The following ASPSCR1 variants were observed in gnomAD, a reference collection of about 807,000 sequenced individuals.
ASPSCR1 encodes ASPSCR1 tether for SLC2A4, UBX domain containing.
A neutral mutation model predicts 68.9 loss-of-function variants in ASPSCR1; 55 were observed. The ratio of observed to expected loss-of-function variants is 0.80; its 90% CI spans 0.64 to 1.00. The LOEUF (loss-of-function observed/expected upper bound fraction) is 1.00. Among genes scored for constraint, ASPSCR1 ranks in the 50% least tolerant of loss-of-function variants. ASPSCR1 has a pLI of 0.00. For missense variants in ASPSCR1, 765 were observed against 762.2 expected, an observed-to-expected ratio of 1.00 and a Z score of -0.04; for synonymous variants, 352 against 332.6, an observed-to-expected ratio of 1.06 and a Z score of -0.63.
chr17:81,978,583 C>G (rs2041690647), intron 1 of ASPSCR1: 1 of 152,394 alleles, frequency 6.6e-6, no homozygotes, highest in African/African-American at 2.4e-5. Context: ...CCGTGAGGAT[C>G]CGAAGGTGCA....
chr17:81,996,738 C>G lies in ASPSCR1; in HGVS notation c.825C>G (p.Ser275Arg). ...CTAAGTTGCCGAAGTCCCTCTCCAG[C>G]CCTGGAGGCCCCTCCAAGCCAAAGA... is the stretch of plus-strand genomic sequence containing the variant. ...SSAKLPKSLS[S>R]PGGPSKPKKS... Residue 275 changes from serine (S) to arginine (R), a missense_variant, in exon 7 of 16, where the codon AGC (serine) becomes AGG (arginine). Ser to Arg is a moderately radical substitution (Grantham distance 110). Coordinates refer to ENST00000306739, the MANE Select transcript of ASPSCR1 (RefSeq NM_024083.4). 1 of 1,613,460 alleles carries G rather than the reference C, an allele frequency of 6.2e-7. No individual in the cohort carries two copies.
At chr17:82,015,952 T>G (rs2043111624) in intron 12 of ASPSCR1, 1 of 165,298 alleles carries the variant, frequency 6.0e-6, no homozygotes, top group Non-Finnish European at 1.3e-5. Context: ...GGCTGAGGTT[T>G]CGGCGTTCCT....
At chr17:82,013,401 C>T (rs1354228740) in intron 12 of ASPSCR1, 1 of 152,242 alleles carries the variant, frequency 6.6e-6, no homozygotes, top group Non-Finnish European at 1.5e-5. Context: ...CGCTTGGCTT[C>T]CCTACCAGCC....
intron 7 of ASPSCR1, 75 bp from the exon 8 acceptor site, chr17:82,008,962 C>A: frequency 7.0e-7 from 1 of 1,423,588 alleles, no homozygotes; most frequent in South Asian, 1.5e-5. Flanking sequence ...ACCACCTCGG[C>A]TGGGGCACTG....
chr17:81,997,104 C>CGG (rs2042372358), intron 7 of ASPSCR1, among the ~76,000 whole-genome samples: 1 of 40,292 alleles, frequency 2.5e-5, no homozygotes, highest in Admixed American at 2.2e-4. Context: ...GAGGCCGTGT[C>CGG]CGCTCCGGGA....
intron 7 of ASPSCR1, among the ~76,000 whole-genome samples, chr17:82,002,218 A>T (rs2042561558): frequency 6.8e-6 from 1 of 146,528 alleles, no homozygotes; most frequent in African/African-American, 2.5e-5. Flanking sequence ...TCTTATGAGT[A>T]CCTCATGCTT....
intron 4 of ASPSCR1, 63 bp downstream of exon 4, chr17:81,985,670 C>G (rs539631246): frequency 6.5e-7 from 1 of 1,529,622 alleles, no homozygotes; most frequent in African/African-American, 1.4e-5. Flanking sequence ...GCTGTGGTTA[C>G]TGGGTCTGGT....
intron 5 of ASPSCR1, chr17:81,995,314 G>A: frequency 3.0e-6 from 1 of 336,082 alleles, no homozygotes; most frequent in East Asian, 4.9e-5. Context: ...GAGGGGCCCT[G>A]GGGGGCCAGG....
At chr17:82,002,584 A>G (rs1332049552) in intron 7 of ASPSCR1, among the ~76,000 whole-genome samples, 1 of 148,790 alleles carries the variant, frequency 6.7e-6, no homozygotes, top group East Asian at 2.0e-4. Context: ...ATTTTTTGAG[A>G]CAGAGTCTCA....
chr17:81,979,738 G>A (rs1281063174), intron 2 of ASPSCR1, among the ~76,000 whole-genome samples: 1 of 152,150 alleles, frequency 6.6e-6, no homozygotes, highest in African/African-American at 2.4e-5. Flanking sequence ...GCTCTGAGGG[G>A]AAAGAGCTGG....
At chr17:82,002,814 T>C (rs1453859900) in intron 7 of ASPSCR1, among the ~76,000 whole-genome samples, 1 of 152,140 alleles carries the variant, frequency 6.6e-6, no homozygotes, top group Non-Finnish European at 1.5e-5. Flanking sequence ...TGCTTTGGCC[T>C]CCCAAATTGT....
chr17:81,995,874 G>A, intron 5 of ASPSCR1, 118 bp from the exon 6 acceptor site: 1 of 945,656 alleles, frequency 1.1e-6, no homozygotes, highest in South Asian at 1.4e-5. Context: ...GGGTGGGTAG[G>A]ATGGAGGCCA....
chr17:81,988,887 G>T (rs1248935346), intron 4 of ASPSCR1, among the ~76,000 whole-genome samples: 1 of 152,164 alleles, frequency 6.6e-6, no homozygotes, highest in East Asian at 1.9e-4. Flanking sequence ...AATTCCAGAG[G>T]TGGAATTTAA....
At chr17:81,982,089 C>T (rs1033599466) in intron 2 of ASPSCR1, among the ~76,000 whole-genome samples, 22 of 152,262 alleles carry the variant, frequency 1.4e-4, no homozygotes, top group Admixed American at 1.2e-3. Context: ...CCACTTCAGC[C>T]TCCCGAGTAG....
chr17:82,009,610 G>T (rs12946118), intron 9 of ASPSCR1, 43 bp downstream of exon 9: 2 of 435,192 alleles, frequency 4.6e-6, no homozygotes, highest in Non-Finnish European at 3.0e-6. Flanking sequence ...ACAGCTCTGA[G>T]GGGGCCCCCC....
chr17:82,016,492 C>G lies in ASPSCR1; in HGVS notation c.1370C>G (p.Ala457Gly), dbSNP rs927261752. 9.7e-6 allele frequency: 15 copies of G among 1,548,792 alleles called. No homozygotes were observed. Among genetic ancestry groups the G allele is most frequent in the Admixed American group, 2.0e-5 (1 of 51,108 alleles). ...TCCCTGCAGGCGAACCTCTTCCCGG[C>G]CGCTCTGGTGCACTTGGGAGCCGAG... ...QTLFQANLFP[A>G]ALVHLGAEEP... is the part of the protein sequence containing the mutation. The change falls in exon 13 of 16, where the codon GCC becomes GGC. Residue 457 changes from alanine (A) to glycine (G), a missense_variant. Transcript: ENST00000306739.
intron 4 of ASPSCR1, among the ~76,000 whole-genome samples, chr17:81,992,318 C>T (rs957197044): frequency 3.3e-5 from 5 of 152,150 alleles, no homozygotes; most frequent in Admixed American, 6.5e-5. Context: ...ACTGGGCCGG[C>T]GTAGAAGGTC....
chr17:81,984,801 A>C (rs1337283588), intron 3 of ASPSCR1, among the ~76,000 whole-genome samples: 13 of 135,000 alleles, frequency 9.6e-5, no homozygotes, highest in Admixed American at 5.2e-4. Flanking sequence ...ACCCCCACAC[A>C]CCCACATACC....
chr17:81,997,471 AT>A (rs948668381), intron 7 of ASPSCR1, among the ~76,000 whole-genome samples: 36 of 120,698 alleles, frequency 3.0e-4, no homozygotes, highest in African/African-American at 5.6e-4. Context: ...CAGGCAAATG[AT>A]TTTTTTTTTT....
Sources: gnomAD v4.1 joint callset for allele counts (sites outside exome capture counted in the v4.1 genomes callset) on GRCh38, gnomAD v4.1.1 for gene constraint, MANE v1.5 for transcripts, NCBI Gene and HGNC (gene_info 2026-07-23, HGNC 2026-07-21) for gene names.